The following EXOSC8 variants were observed in gnomAD, a reference collection of about 807,000 sequenced individuals.
EXOSC8 encodes the protein exosome complex component RRP43.
In EXOSC8, 37 loss-of-function variants were observed where a neutral mutation model predicts 39.9. The ratio of observed to expected loss-of-function variants is 0.93; its 90% CI spans 0.71 to 1.22. The LOEUF (loss-of-function observed/expected upper bound fraction) is 1.22. EXOSC8 is among the 50% of genes most tolerant of loss of function. The probability of loss-of-function intolerance (pLI) is 0.00; values close to 1 mark genes in which losing one functional copy is unlikely to be tolerated. For missense variants in EXOSC8, 313 were observed against 326.6 expected, an observed-to-expected ratio of 0.96 and a Z score of 0.32; for synonymous variants, 93 against 109.5, an observed-to-expected ratio of 0.85 and a Z score of 0.94.
At chr13:37,008,206 T>G (rs2059164049) in intron 9 of EXOSC8, 29 bp downstream of exon 9, 1 of 1,570,130 alleles carries the variant, frequency 6.4e-7, no homozygotes, top group Non-Finnish European at 8.7e-7. Flanking sequence ...CTTTAAAATT[T>G]TCTATATTTA....
intron 5 of EXOSC8, 54 bp downstream of exon 5, chr13:37,004,615 AT>A: frequency 8.7e-7 from 1 of 1,149,936 alleles, no homozygotes. Context: ...ACATTTAATA[AT>A]TTTTAGTTAA....
At position 37,006,097 on chromosome 13, in the gene EXOSC8, C is replaced by CT; in HGVS notation, c.345-15dup. 6.2e-7 allele frequency: 1 copy of CT among 1,606,846 alleles called. No homozygotes were observed. The highest frequency in any genetic ancestry group is 8.5e-7 in the Non-Finnish European group (1 of 1,174,318). On this transcript the variant is annotated splice_polypyrimidine_tract_variant and intron_variant, in intron 6 of 10. Transcript: ENST00000389704. ...TTTTGGGCTTTTCATTTACTTTGCT[C>CT]TTTGTCATTAAATCAAGTTCACAGA...
intron 3 of EXOSC8, 86 bp downstream of exon 3, chr13:37,002,637 T>G: frequency 1.0e-6 from 1 of 952,538 alleles, no homozygotes; most frequent in Admixed American, 2.4e-5. Flanking sequence ...ACCCAAATTC[T>G]TTGTCTAAAG....
In EXOSC8 at chr13:37,002,818, GA is replaced by G. The variant is rs997279911; in HGVS notation, c.119-115del. ...ACTTGAAATATTCATAAGCAACTGA[GA>G]GGGGTAGCAAGATAATCGTACACAG... is the stretch of plus-strand genomic sequence containing the variant. On this transcript the variant is annotated intron_variant, in intron 3 of 10. Coordinates refer to ENST00000389704, the MANE Select transcript of EXOSC8 (RefSeq NM_181503.3). 17 of 727,444 alleles carry G rather than the reference GA, an allele frequency of 2.3e-5. No individual in the cohort carries two copies. In the East Asian group the frequency reaches 2.4e-4, roughly 10 times the overall value. The allele number at this position is 727,444 out of a possible 1,614,324, so 45.1% of individuals were successfully genotyped here.
In EXOSC8 at chr13:37,009,263, G is replaced by A; in HGVS notation, c.795G>A (p.Leu265=). 6.2e-7 allele frequency: 1 copy of A among 1,610,916 alleles called. No individual in the cohort carries two copies. ...AVTRHKEVKK[L]MDEVIKSMKP... ...CAAGACACAAAGAAGTTAAAAAACTGATGGATGAAGTAATTAAGAGTATGA... is the reference window on the plus strand; with the variant it reads ...CAAGACACAAAGAAGTTAAAAAACTAATGGATGAAGTAATTAAGAGTATGA... Residue 265 remains leucine, a synonymous_variant, in exon 11 of 11, where the codon CTG becomes CTA. Transcript: ENST00000389704.
At chr13:37,008,198 T>G (rs2059163776) in intron 9 of EXOSC8, 21 bp downstream of exon 9, 4 of 1,580,592 alleles carry the variant, frequency 2.5e-6, no homozygotes, top group Middle Eastern at 2.1e-4. Flanking sequence ...CAAACTTACT[T>G]TAAAATTTTC....
At chr13:37,008,291 TG>T in intron 9 of EXOSC8, 114 bp downstream of exon 9, 1 of 845,768 alleles carries the variant, frequency 1.2e-6, no homozygotes, top group Non-Finnish European at 1.9e-6. Context: ...TAGTTTTCCC[TG>T]GACACTTGAG....
At chr13:37,002,654 A>T in intron 3 of EXOSC8, 103 bp downstream of exon 3, 1 of 856,618 alleles carries the variant, frequency 1.2e-6, no homozygotes. Context: ...AAAGGATTTG[A>T]TGATTTTTTT....
intron 4 of EXOSC8, chr13:37,003,263 A>G: frequency 2.5e-6 from 1 of 405,002 alleles, no homozygotes; most frequent in Non-Finnish European, 4.4e-6. Flanking sequence ...TTGTTATATC[A>G]TTTGAGACAT....
At position 37,008,770 on chromosome 13, in the gene EXOSC8, T is replaced by C; in HGVS notation, c.650T>C (p.Leu217Pro). ...IVDPTGEEEH[L>P]ATGTLTIVMD... ...GACCCTACTGGAGAGGAGGAACATCTGGCAACAGGAACCTTAACAATAGTA... is the reference window on the plus strand; with the variant it reads ...GACCCTACTGGAGAGGAGGAACATCCGGCAACAGGAACCTTAACAATAGTA... Residue 217 changes from leucine to proline, a missense_variant, in exon 10 of 11, where the codon CTG becomes CCG. Leu to Pro is a moderately conservative substitution (Grantham distance 98). Transcript: ENST00000389704. 6.2e-7 allele frequency: 1 copy of C among 1,613,702 alleles called. No homozygotes were observed. The highest frequency in any genetic ancestry group is 8.5e-7 in the Non-Finnish European group (1 of 1,179,656).
At chr13:37,006,878 G>A in intron 7 of EXOSC8, 97 bp from the exon 8 acceptor site, 1 of 709,334 alleles carries the variant, frequency 1.4e-6, no homozygotes, top group Admixed American at 2.7e-5. Flanking sequence ...TATCTTGCTT[G>A]TTTAACCAAG....
intron 2 of EXOSC8, 26 bp from the exon 3 acceptor site, chr13:37,002,462 A>G (rs2059112887): frequency 2.0e-6 from 3 of 1,470,968 alleles, no homozygotes; most frequent in Non-Finnish European, 1.9e-6. Flanking sequence ...GGTATAATCT[A>G]TTTTTATATA....
In EXOSC8 at chr13:37,000,816, G is replaced by A; in HGVS notation, c.11G>A (p.Gly4Glu). 6.3e-7 allele frequency: 1 copy of A among 1,580,906 alleles called. No homozygotes were observed. Among genetic ancestry groups the A allele is most frequent in the Non-Finnish European group, 8.6e-7 (1 of 1,163,788 alleles). MAA[G>E]FKTVEPLEYY... Reference sequence around the variant, plus strand: ...CGCGCGGGCGGGAAGATGGCGGCTGGGTTCAAGTGAGTGTTGGCGGGTGGC... The same window carrying A: ...CGCGCGGGCGGGAAGATGGCGGCTGAGTTCAAGTGAGTGTTGGCGGGTGGC... The change falls in exon 1 of 11, where the codon GGG becomes GAG. Residue 4 changes from glycine (G) to glutamate (E), a missense_variant. Gly to Glu is a moderately conservative substitution (Grantham distance 98, BLOSUM62 -2). Coordinates refer to ENST00000389704, the MANE Select transcript of EXOSC8 (RefSeq NM_181503.3).
intron 5 of EXOSC8, 34 bp from the exon 6 acceptor site, chr13:37,005,883 AAAG>A (rs374674168): frequency 3.4e-5 from 30 of 889,046 alleles, no homozygotes; most frequent in African/African-American, 3.2e-4. Flanking sequence ...AAAAAAAAAA[AAAG>A]GTTTAGTTCA....
intron 5 of EXOSC8, among the ~76,000 whole-genome samples, chr13:37,005,617 C>G (rs747478956): frequency 1.5e-4 from 23 of 152,100 alleles, no homozygotes; most frequent in Non-Finnish European, 3.1e-4. Flanking sequence ...CCTGTAACCT[C>G]AGCACTTTGC....
chr13:37,001,459 C>T (rs2059104465), intron 1 of EXOSC8: 1 of 152,104 alleles, frequency 6.6e-6, no homozygotes, highest in South Asian at 2.1e-4. Flanking sequence ...CCTGCTTCTC[C>T]CTCTCCCGTA....
Position 37,009,321 on chromosome 13 carries a change from CAGATTTGTAAAAAT to C in EXOSC8, c.*23_*36del. The C allele has an allele frequency of 7.3e-7, 1 of 1,363,052 alleles. No individual in the cohort carries two copies. 84.4% of individuals were successfully genotyped at this position (1,363,052 alleles called of 1,614,324 possible). On this transcript the variant is annotated 3_prime_UTR_variant, in exon 11 of 11. Coordinates refer to ENST00000389704, the MANE Select transcript of EXOSC8 (RefSeq NM_181503.3). Reference sequence around the variant, plus strand: ...ATAAACAGCCACCACATTTTCAAAACAGATTTGTAAAAATTGTATTTGTTAACACTGTGCACAAA... The same window carrying C: ...ATAAACAGCCACCACATTTTCAAAACTGTATTTGTTAACACTGTGCACAAA...
At chr13:37,008,982 T>G (rs2059184823) in intron 10 of EXOSC8, 147 bp downstream of exon 10, 4 of 727,376 alleles carry the variant, frequency 5.5e-6, no homozygotes, top group Non-Finnish European at 9.6e-6. Flanking sequence ...TCTTCCATCT[T>G]AATGGTATAT....
chr13:37,001,060 G>A (rs113811424), intron 1 of EXOSC8, among the ~76,000 whole-genome samples: 1 of 152,162 alleles, frequency 6.6e-6, no homozygotes, highest in South Asian at 2.1e-4. Context: ...CGCTGCGAGC[G>A]CTCGTGAGCG....
Sources: allele counts gnomAD v4.1 joint callset (sites outside exome capture counted in the v4.1 genomes callset), GRCh38; gene constraint gnomAD v4.1.1; transcripts MANE v1.5; gene names NCBI Gene and HGNC (gene_info 2026-07-23, HGNC 2026-07-21).